Variants in GNAQ observed in about 807,000 individuals in gnomAD.
The protein encoded by GNAQ is G protein subunit alpha q, also known as guanine nucleotide-binding protein G(q) subunit alpha.
Under a neutral mutation model 43.9 loss-of-function variants are expected in GNAQ, and 8 were observed. The observed-to-expected ratio is 0.18, with a 90% CI of 0.11 to 0.33. The LOEUF (loss-of-function observed/expected upper bound fraction) is 0.33. Ranked by LOEUF, GNAQ falls within the 10% of genes least tolerant of loss-of-function variation. GNAQ has a pLI of 1.00. For synonymous variants in GNAQ, 155 were observed against 170.7 expected, an observed-to-expected ratio of 0.91 and a Z score of 0.71; for missense variants, 158 against 450.8, an observed-to-expected ratio of 0.35 and a Z score of 5.88.
intron 1 of GNAQ, among the ~76,000 whole-genome samples, chr9:77,946,472 G>GA (rs1364820315): frequency 1.3e-5 from 2 of 151,960 alleles, no homozygotes; most frequent in African/African-American, 4.8e-5. Context: ...CCAGGCAAAG[G>GA]AAACTCCATC....
intron 1 of GNAQ, among the ~76,000 whole-genome samples, chr9:77,997,502 T>A (rs1471687401): frequency 6.6e-6 from 1 of 152,168 alleles, no homozygotes; most frequent in African/African-American, 2.4e-5. Context: ...GGGCTTGGCA[T>A]CCACACCTTA....
At chr9:77,918,065 A>G (rs1448072253) in intron 2 of GNAQ, among the ~76,000 whole-genome samples, 1 of 152,190 alleles carries the variant, frequency 6.6e-6, no homozygotes, top group South Asian at 2.1e-4. Flanking sequence ...GGTTCAAGCA[A>G]TAACAAGTAA....
In GNAQ at chr9:77,845,422, G is replaced by GA. The variant is rs796201139; in HGVS notation, c.322-29653dup. Among the ~76,000 whole-genome samples, 97 of 152,150 alleles carry GA rather than the reference G, an allele frequency of 6.4e-4. 1 individual carries two copies. Among genetic ancestry groups the GA allele is most frequent in the Admixed American group, 2.7e-3 (42 of 15,292 alleles). ...TTCCTTACAATCTATCTGGCATCAA[G>GA]AAAAAATGTAGGTTACATTGGTAAA... On this transcript the variant is annotated intron_variant, in intron 2 of 6. Coordinates refer to ENST00000286548, the MANE Select transcript of GNAQ (RefSeq NM_002072.5).
At chr9:77,955,978 G>A (rs1343753969) in intron 1 of GNAQ, among the ~76,000 whole-genome samples, 3 of 151,942 alleles carry the variant, frequency 2.0e-5, no homozygotes, top group Non-Finnish European at 4.4e-5. Context: ...TATCTTAGTG[G>A]GTCTATGAAT....
chr9:77,817,457 C>T (rs1457352282), intron 2 of GNAQ, among the ~76,000 whole-genome samples: 1 of 152,092 alleles, frequency 6.6e-6, no homozygotes, highest in African/African-American at 2.4e-5. Context: ...AGGAACTGAA[C>T]TACACTAGAA....
chr9:77,813,970 G>A (rs1465042974), intron 3 of GNAQ, among the ~76,000 whole-genome samples: 1 of 152,174 alleles, frequency 6.6e-6, no homozygotes. Flanking sequence ...GCAGAGAGGA[G>A]TTAAGAGAGA....
intron 5 of GNAQ, among the ~76,000 whole-genome samples, chr9:77,768,409 T>A (rs1407415802): frequency 1.3e-5 from 2 of 152,152 alleles, no homozygotes; most frequent in Non-Finnish European, 2.9e-5. Flanking sequence ...GCCCTGGAAT[T>A]TTCTGCCATG....
At chr9:77,741,735 G>A (rs531294874) in intron 5 of GNAQ, among the ~76,000 whole-genome samples, 141 of 152,236 alleles carry the variant, frequency 9.3e-4, no homozygotes, top group Non-Finnish European at 1.7e-3. Context: ...TGAAGACACA[G>A]GTAAACTTTT....
At chr9:77,899,630 A>C (rs1235203835) in intron 2 of GNAQ, among the ~76,000 whole-genome samples, 1 of 152,134 alleles carries the variant, frequency 6.6e-6, no homozygotes, top group Non-Finnish European at 1.5e-5. Context: ...CTCATAAAAT[A>C]ATCTGGAAGA....
At chr9:78,012,834 T>C (rs1823790339) in intron 1 of GNAQ, among the ~76,000 whole-genome samples, 1 of 152,208 alleles carries the variant, frequency 6.6e-6, no homozygotes, top group African/African-American at 2.4e-5. Context: ...TCATCCCTGA[T>C]ATTCAATATG....
chr9:77,896,793 T>C lies in GNAQ; in HGVS notation c.321+25368A>G, dbSNP rs1014248862. 1.4e-4 allele frequency among the ~76,000 whole-genome samples: 22 copies of C among 152,334 alleles called. No individual in the cohort carries two copies. The East Asian group carries it at 4.2e-3, about 29-fold the overall frequency. ...GCACTAGCTCAATTTTACAAACCAT[T>C]TTCATTCATTTCATGACCCTAATTA... On this transcript the variant is annotated intron_variant, in intron 2 of 6. Coordinates refer to ENST00000286548, the MANE Select transcript of GNAQ (RefSeq NM_002072.5).
At chr9:77,799,792 C>T (rs981183496) in intron 3 of GNAQ, among the ~76,000 whole-genome samples, 1 of 152,146 alleles carries the variant, frequency 6.6e-6, no homozygotes, top group Non-Finnish European at 1.5e-5. Flanking sequence ...AATTAGTATT[C>T]CAGGGGCCTT....
chr9:77,909,817 C>T (rs895120634), intron 2 of GNAQ, among the ~76,000 whole-genome samples: 5 of 151,860 alleles, frequency 3.3e-5, no homozygotes, highest in African/African-American at 1.2e-4. Context: ...TACATTTATA[C>T]GGGAAAAGCC....
intron 1 of GNAQ, among the ~76,000 whole-genome samples, chr9:77,953,560 T>C (rs1194067946): frequency 6.6e-6 from 1 of 152,084 alleles, no homozygotes; most frequent in Non-Finnish European, 1.5e-5. Context: ...GAGCCGGAAT[T>C]AGAAATGGCT....
At chr9:77,808,147 A>G (rs1826856626) in intron 3 of GNAQ, among the ~76,000 whole-genome samples, 1 of 152,106 alleles carries the variant, frequency 6.6e-6, no homozygotes, top group South Asian at 2.1e-4. Context: ...TGACTTGCCC[A>G]CATCCACCCT....
At chr9:77,948,756 A>C (rs1822937664) in intron 1 of GNAQ, among the ~76,000 whole-genome samples, 1 of 152,114 alleles carries the variant, frequency 6.6e-6, no homozygotes, top group African/African-American at 2.4e-5. Context: ...ATTGTTTAGG[A>C]GATTTATTAT....
At chr9:77,987,735 A>T (rs1259461629) in intron 1 of GNAQ, among the ~76,000 whole-genome samples, 1 of 152,168 alleles carries the variant, frequency 6.6e-6, no homozygotes, top group Non-Finnish European at 1.5e-5. Flanking sequence ...TACAGTACAT[A>T]AAATATGGAA....
At chr9:77,950,821 A>G (rs1564160942) in intron 1 of GNAQ, among the ~76,000 whole-genome samples, 1 of 152,212 alleles carries the variant, frequency 6.6e-6, no homozygotes, top group Non-Finnish European at 1.5e-5. Flanking sequence ...GCAGAAACAC[A>G]TAAATCAATC....
chr9:77,784,061 TCA>T (rs1826438242), intron 5 of GNAQ, among the ~76,000 whole-genome samples: 2 of 152,026 alleles, frequency 1.3e-5, no homozygotes, highest in African/African-American at 4.8e-5. Context: ...TAAAAATAAG[TCA>T]TTGAGGGGAA....
Sources: gnomAD v4.1 joint callset for allele counts (sites outside exome capture counted in the v4.1 genomes callset) on GRCh38, gnomAD v4.1.1 for gene constraint, MANE v1.5 for transcripts, NCBI Gene and HGNC (gene_info 2026-07-23, HGNC 2026-07-21) for gene names.